SUPT3H: variants seen among roughly 807,000 people sequenced by gnomAD.
The protein encoded by SUPT3H is transcription initiation protein SPT3 homolog.
In SUPT3H, 44 loss-of-function variants were observed where a neutral mutation model predicts 44.3. The ratio of observed to expected loss-of-function variants is 0.99; its 90% CI spans 0.78 to 1.28. SUPT3H has a LOEUF of 1.28. SUPT3H is among the 50% of genes most tolerant of loss of function. The probability of loss-of-function intolerance (pLI) is 0.00; values close to 1 mark genes in which losing one functional copy is unlikely to be tolerated. For missense variants in SUPT3H, 380 were observed against 387.1 expected, an observed-to-expected ratio of 0.98 and a Z score of 0.15; for synonymous variants, 124 against 125.6, an observed-to-expected ratio of 0.99 and a Z score of 0.09.
chr6:44,861,980 C>T (rs1366459694), intron 10 of SUPT3H, among the ~76,000 whole-genome samples: 1 of 152,064 alleles, frequency 6.6e-6, no homozygotes, highest in Non-Finnish European at 1.5e-5. Context: ...TATAATACAC[C>T]TTCTGACTCT....
chr6:45,320,754 G>A (rs529427996), intron 2 of SUPT3H, among the ~76,000 whole-genome samples: 1 of 152,094 alleles, frequency 6.6e-6, no homozygotes, highest in East Asian at 1.9e-4. Context: ...GTCAATTCCT[G>A]GTAGGGCATC....
chr6:44,871,172 T>C (rs1045209953), intron 10 of SUPT3H, among the ~76,000 whole-genome samples: 106 of 149,942 alleles, frequency 7.1e-4, no homozygotes, highest in African/African-American at 2.6e-3. Context: ...TGCCTGCCTA[T>C]GTAGGCTCCA....
chr6:45,289,387 G>T (rs1584733921), intron 2 of SUPT3H, among the ~76,000 whole-genome samples: 1 of 152,040 alleles, frequency 6.6e-6, no homozygotes, highest in African/African-American at 2.4e-5. Context: ...TAAAGATACA[G>T]AGTATTACTG....
At chr6:45,199,851 A>C (rs1762201343) in intron 2 of SUPT3H, among the ~76,000 whole-genome samples, 1 of 151,484 alleles carries the variant, frequency 6.6e-6, no homozygotes, top group Admixed American at 6.6e-5. Context: ...AGGTTTTTCA[A>C]AGATTAGTTA....
chr6:44,937,927 T>TTTTTTTG (rs1771749330), intron 9 of SUPT3H, among the ~76,000 whole-genome samples: 1 of 64,514 alleles, frequency 1.6e-5, no homozygotes, highest in African/African-American at 4.0e-5. Flanking sequence ...TTTTTTTTTT[T>TTTTTTTG]GAGGCGGAGT....
intron 10 of SUPT3H, among the ~76,000 whole-genome samples, chr6:44,853,816 T>C (rs1026931043): frequency 2.0e-5 from 3 of 152,080 alleles, no homozygotes; most frequent in Non-Finnish European, 4.4e-5. Flanking sequence ...TTTATTATGC[T>C]GGTAAGAGTG....
At chr6:45,106,742 G>C (rs1019155554) in intron 2 of SUPT3H, among the ~76,000 whole-genome samples, 16 of 152,236 alleles carry the variant, frequency 1.1e-4, no homozygotes, top group African/African-American at 3.9e-4. Flanking sequence ...CACCATGTTA[G>C]CCAGGCTGGT....
chr6:44,890,086 G>A (rs558107461), intron 10 of SUPT3H, among the ~76,000 whole-genome samples: 13 of 151,384 alleles, frequency 8.6e-5, no homozygotes, highest in Admixed American at 2.6e-4. Flanking sequence ...TTAGAATGGC[G>A]ATCATTAAAA....
At chr6:44,830,396 A>G (rs1483863439) in intron 10 of SUPT3H, among the ~76,000 whole-genome samples, 2 of 152,184 alleles carry the variant, frequency 1.3e-5, no homozygotes, top group Non-Finnish European at 2.9e-5. Context: ...AGTATCAAAA[A>G]TGCAAATCTT....
intron 10 of SUPT3H, among the ~76,000 whole-genome samples, chr6:44,899,941 G>A (rs1582344592): frequency 1.3e-5 from 2 of 152,150 alleles, no homozygotes; most frequent in Non-Finnish European, 2.9e-5. Context: ...TAATGTCATT[G>A]TTTTCTTGCT....
At chr6:45,223,764 C>T (rs1222716649) in intron 2 of SUPT3H, among the ~76,000 whole-genome samples, 1 of 151,484 alleles carries the variant, frequency 6.6e-6, no homozygotes, top group Non-Finnish European at 1.5e-5. Flanking sequence ...GTAATTATCA[C>T]ATCATGATGT....
At chr6:45,134,942 A>G (rs1436176458) in intron 2 of SUPT3H, among the ~76,000 whole-genome samples, 1 of 152,150 alleles carries the variant, frequency 6.6e-6, no homozygotes, top group East Asian at 1.9e-4. Context: ...TGGGACCTCC[A>G]GGGTGTCCAC....
At chr6:45,107,108 C>T (rs1261214158) in intron 2 of SUPT3H, among the ~76,000 whole-genome samples, 1 of 152,064 alleles carries the variant, frequency 6.6e-6, no homozygotes, top group African/African-American at 2.4e-5. Context: ...CTTCTTAAAA[C>T]TTAAAAGTAG....
At chr6:44,892,535 G>C (rs1273353811) in intron 10 of SUPT3H, among the ~76,000 whole-genome samples, 1 of 152,132 alleles carries the variant, frequency 6.6e-6, no homozygotes, top group Non-Finnish European at 1.5e-5. Context: ...AGCTAACTAA[G>C]ACAAAGTCTA....
At chr6:45,171,076 T>C (rs908545120) in intron 2 of SUPT3H, among the ~76,000 whole-genome samples, 1 of 152,158 alleles carries the variant, frequency 6.6e-6, no homozygotes, top group Admixed American at 6.5e-5. Context: ...CAAAAGGACA[T>C]ACTGGTTCTA....
chr6:44,953,688 A>C (rs1774664456), intron 8 of SUPT3H, among the ~76,000 whole-genome samples: 1 of 152,078 alleles, frequency 6.6e-6, no homozygotes, highest in South Asian at 2.1e-4. Flanking sequence ...CTAATTCAGT[A>C]GGTCTGTTTT....
intron 2 of SUPT3H, among the ~76,000 whole-genome samples, chr6:45,354,404 TCA>T (rs1385660838): frequency 6.6e-6 from 1 of 152,082 alleles, no homozygotes; most frequent in Admixed American, 6.6e-5. Context: ...AAAAATTAAG[TCA>T]CACACAAATG....
In SUPT3H at chr6:45,328,289, A is replaced by T. The variant is rs1389411605; in HGVS notation, c.101+36912T>A. Reference sequence around the variant, plus strand: ...AGTAATAGTGCTTGCAAAAAAAAGGAGTTTTAAAGCTTTTGCTTTTTTGGA... The same window carrying T: ...AGTAATAGTGCTTGCAAAAAAAAGGTGTTTTAAAGCTTTTGCTTTTTTGGA... On this transcript the variant is annotated intron_variant, in intron 2 of 10. Transcript: ENST00000371459. The T allele has an allele frequency of 2.9e-6, 4 of 1,365,366 alleles. No individual in the cohort carries two copies. In the South Asian group the frequency reaches 4.6e-5, roughly 16 times the overall value. The allele number at this position is 1,365,366 out of a possible 1,614,324, so 84.6% of individuals were successfully genotyped here. A position where few individuals can be genotyped will look rare whatever the true frequency, so the allele number is the denominator to read the frequency against.
At chr6:45,015,214 C>CATGT (rs1784064741) in intron 4 of SUPT3H, among the ~76,000 whole-genome samples, 2 of 152,120 alleles carry the variant, frequency 1.3e-5, no homozygotes, top group South Asian at 4.1e-4. Context: ...AATACACTTA[C>CATGT]ACAAACCTAG....
Sources: allele counts gnomAD v4.1 joint callset (sites outside exome capture counted in the v4.1 genomes callset), GRCh38; gene constraint gnomAD v4.1.1; transcripts MANE v1.5; gene names NCBI Gene and HGNC (gene_info 2026-07-23, HGNC 2026-07-21).